The following HS3ST5 variants were observed in gnomAD, a reference collection of about 807,000 sequenced individuals.
HS3ST5 encodes heparan sulfate-glucosamine 3-sulfotransferase 5, also known as heparan sulfate glucosamine 3-O-sulfotransferase 5.
A neutral mutation model predicts 25.4 loss-of-function variants in HS3ST5; 10 were observed. The observed-to-expected ratio is 0.39, with a 90% confidence interval of 0.24 to 0.67. The LOEUF is 0.67. Among genes scored for constraint, HS3ST5 ranks in the 30% least tolerant of loss-of-function variants. The pLI, the probability that HS3ST5 is intolerant of heterozygous loss-of-function variation, is 0.44. For missense variants in HS3ST5, 324 were observed against 420.7 expected (o/e 0.77, Z 2.01); for synonymous variants, 170 against 162.4 (o/e 1.05, Z -0.36).
chr6:114,283,468 A>C (rs1357920839), intron 1 of HS3ST5, among the ~76,000 whole-genome samples: 3 of 151,982 alleles, frequency 2.0e-5, no homozygotes, highest in African/African-American at 7.2e-5. Flanking sequence ...CAAAATTATA[A>C]AGTAATATAA....
At chr6:114,233,059 CT>C (rs11285295) in intron 1 of HS3ST5, among the ~76,000 whole-genome samples, 100,724 of 144,130 alleles carry the variant, frequency 0.7, 34,736 homozygotes, top group South Asian at 0.8. Context: ...GACAGACACT[CT>C]TTTTTTTTTT....
chr6:114,102,241 A>G (rs1775772411), intron 3 of HS3ST5, among the ~76,000 whole-genome samples: 1 of 152,224 alleles, frequency 6.6e-6, no homozygotes, highest in South Asian at 2.1e-4. Flanking sequence ...AGTTGCCTCT[A>G]CTGCCTAACC....
chr6:114,291,070 C>G (rs1403495638), intron 1 of HS3ST5, among the ~76,000 whole-genome samples: 2 of 152,022 alleles, frequency 1.3e-5, no homozygotes, highest in Non-Finnish European at 2.9e-5. Flanking sequence ...AATGGGCTCT[C>G]ATTCTCAGGC....
At chr6:114,255,690 C>T (rs1206115524) in intron 1 of HS3ST5, among the ~76,000 whole-genome samples, 2 of 152,184 alleles carry the variant, frequency 1.3e-5, no homozygotes, top group African/African-American at 4.8e-5. Context: ...TACATGCAGG[C>T]CCAACACCAT....
At chr6:114,319,243 A>G (rs1775868463) in intron 1 of HS3ST5, among the ~76,000 whole-genome samples, 4 of 152,148 alleles carry the variant, frequency 2.6e-5, no homozygotes, top group Admixed American at 2.0e-4. Flanking sequence ...GCATTATCCA[A>G]TTTACATGCA....
intron 2 of HS3ST5, among the ~76,000 whole-genome samples, chr6:114,223,392 G>C (rs985575337): frequency 2.6e-5 from 4 of 151,884 alleles, no homozygotes; most frequent in African/African-American, 9.6e-5. Flanking sequence ...ATGGGACTAT[G>C]TTTGAAGAAT....
rs771503681 is a variant in HS3ST5 at position 114,062,800 on chromosome 6, G to A, written c.46C>T (p.Leu16=). ...QAWLRQKLLV[L]GSLAVGSLLY... is the part of the protein sequence containing the mutation. ...AGACTCCCAACGGCAAGGCTTCCCA[G>A]CACCAGGAGCTTCTGTCTCAGCCAC... is the stretch of plus-strand genomic sequence containing the variant. Residue 16 remains leucine, a synonymous_variant, in exon 4 of 5, where the codon CTG becomes TTG. Transcript: ENST00000312719. 7.4e-6 allele frequency: 12 copies of A among 1,613,902 alleles called. No individual in the cohort carries two copies.
intron 2 of HS3ST5, among the ~76,000 whole-genome samples, chr6:114,228,264 T>G (rs1270242533): frequency 6.6e-6 from 1 of 152,126 alleles, no homozygotes; most frequent in African/African-American, 2.4e-5. Context: ...GGATCCCTCC[T>G]CCCAATTTCA....
At chr6:114,184,094 G>A (rs942565880) in intron 2 of HS3ST5, among the ~76,000 whole-genome samples, 1 of 110,038 alleles carries the variant, frequency 9.1e-6, no homozygotes, top group African/African-American at 3.5e-5. Flanking sequence ...ACGGAGTCTC[G>A]CTCTGTCGCC....
At chr6:114,091,606 C>G (rs1239819892) in intron 3 of HS3ST5, among the ~76,000 whole-genome samples, 1 of 151,966 alleles carries the variant, frequency 6.6e-6, no homozygotes, top group Non-Finnish European at 1.5e-5. Context: ...ATGGCATGAA[C>G]CCGGGAGGCA....
chr6:114,184,987 C>A (rs1780148006), intron 2 of HS3ST5, among the ~76,000 whole-genome samples: 3 of 152,142 alleles, frequency 2.0e-5, no homozygotes, highest in Admixed American at 2.0e-4. Context: ...TTTACGGGTT[C>A]ATAGCTGGAG....
chr6:114,108,682 A>G (rs1175789107), intron 3 of HS3ST5, among the ~76,000 whole-genome samples: 1 of 152,202 alleles, frequency 6.6e-6, no homozygotes, highest in Non-Finnish European at 1.5e-5. Context: ...GCTGAGAAGT[A>G]ATAAAACATT....
intron 3 of HS3ST5, among the ~76,000 whole-genome samples, chr6:114,164,406 T>C (rs1779111277): frequency 6.6e-6 from 1 of 152,188 alleles, no homozygotes; most frequent in African/African-American, 2.4e-5. Flanking sequence ...AAGGAGGCTA[T>C]GAACAAAGTC....
chr6:114,300,179 T>C (rs990235552), intron 1 of HS3ST5, among the ~76,000 whole-genome samples: 5 of 151,918 alleles, frequency 3.3e-5, no homozygotes, highest in Admixed American at 1.3e-4. Context: ...TTAAAACTAT[T>C]GTGCTATAGT....
At chr6:114,220,904 G>A (rs1289289047) in intron 2 of HS3ST5, 1 of 151,966 alleles carries the variant, frequency 6.6e-6, no homozygotes, top group Non-Finnish European at 1.5e-5. Context: ...TTTAAGAAAT[G>A]CAAAGATATG....
At chr6:114,337,352 C>T (rs951417828) in intron 1 of HS3ST5, among the ~76,000 whole-genome samples, 2 of 152,098 alleles carry the variant, frequency 1.3e-5, no homozygotes, top group Admixed American at 1.3e-4. Flanking sequence ...CAGAATAAGT[C>T]TTCTCACTTC....
chr6:114,081,374 T>C lies in HS3ST5; in HGVS notation c.-32-18497A>G, dbSNP rs566524841. On this transcript the variant is annotated intron_variant, in intron 3 of 4. Coordinates refer to ENST00000312719, the MANE Select transcript of HS3ST5 (RefSeq NM_153612.4). ...ATCTTTAATTAAAAAAAAAAAGCAG[T>C]ATCTGTGAAGCAGAATAAAGTGAGG... Among the ~76,000 whole-genome samples the C allele has an allele frequency of 2.7e-5, 4 of 150,412 alleles. No homozygotes were observed. The East Asian group carries it at 7.8e-4, about 29-fold the overall frequency.
In HS3ST5 at chr6:114,159,638, G is replaced by A. The variant is rs377469563; in HGVS notation, c.-33+8713C>T. ...TGATCCAAGTGCTAGTTACACAGGC[G>A]GGCTCACCTTGTGAAAATCCAGTGA... On this transcript the variant is annotated intron_variant, in intron 3 of 4. Transcript: ENST00000312719. Among the ~76,000 whole-genome samples the A allele has an allele frequency of 7.2e-5, 11 of 152,142 alleles. No individual in the cohort carries two copies. In the South Asian group the frequency reaches 8.3e-4, roughly 11 times the overall value.
chr6:114,125,608 C>A (rs1490381195), intron 3 of HS3ST5, among the ~76,000 whole-genome samples: 7 of 152,116 alleles, frequency 4.6e-5, no homozygotes, highest in Non-Finnish European at 8.8e-5. Context: ...TATAATGGAG[C>A]CTTATATCAC....
Sources: gnomAD v4.1 joint callset for allele counts (sites outside exome capture counted in the v4.1 genomes callset) on GRCh38, gnomAD v4.1.1 for gene constraint, MANE v1.5 for transcripts, NCBI Gene and HGNC (gene_info 2026-07-23, HGNC 2026-07-21) for gene names.